Variants in TFCP2L1 observed in about 807,000 individuals in gnomAD.
TFCP2L1 encodes the protein transcription factor CP2 like 1.
A neutral mutation model predicts 72.2 loss-of-function variants in TFCP2L1; 12 were observed. The ratio of observed to expected loss-of-function variants is 0.17; its 90% CI spans 0.11 to 0.27. The LOEUF (loss-of-function observed/expected upper bound fraction) is 0.27, where lower values mean the gene tolerates loss of function less well. Among genes scored for constraint, TFCP2L1 ranks in the 10% least tolerant of loss-of-function variants. The probability of loss-of-function intolerance (pLI) is 1.00; values close to 1 mark genes in which losing one functional copy is unlikely to be tolerated. For missense variants in TFCP2L1, 488 were observed against 624.6 expected (o/e 0.78, Z 2.33); for synonymous variants, 260 against 251.0 (o/e 1.04, Z -0.34).
intron 2 of TFCP2L1, among the ~76,000 whole-genome samples, chr2:121,255,369 G>C (rs56664083): frequency 7.2e-5 from 11 of 152,220 alleles, no homozygotes; most frequent in African/African-American, 2.6e-4. Context: ...GTAAAATGTG[G>C]GGGGGAGGGG....
chr2:121,280,067 C>T (rs145196388), intron 2 of TFCP2L1, among the ~76,000 whole-genome samples: 171 of 152,258 alleles, frequency 1.1e-3, no homozygotes, highest in African/African-American at 4.0e-3. Flanking sequence ...CACTTGCCCA[C>T]GTGTTCTGGA....
rs781154693 is a variant in TFCP2L1, at chr2:121,221,236, C to T, written c.*3105G>A. The T allele has an allele frequency of 7.9e-5, 12 of 152,172 alleles. No individual in the cohort carries two copies. Among genetic ancestry groups the T allele is most frequent in the Non-Finnish European group, 1.5e-4 (10 of 68,048 alleles). 9.4% of individuals were successfully genotyped at this position (152,172 alleles called of 1,614,324 possible). The stretch of plus-strand genomic sequence containing the variant: ...CATAACAGGAAATCATTGGTCTCAA[C>T]CTTCCTCCAAGGACTAGTGTGTGGA... On this transcript the variant is annotated 3_prime_UTR_variant, in exon 15 of 15. Coordinates refer to ENST00000263707, the MANE Select transcript of TFCP2L1 (RefSeq NM_014553.3).
chr2:121,224,191 G>T lies in TFCP2L1; in HGVS notation c.*150C>A. The T allele has an allele frequency of 2.5e-6, 2 of 789,974 alleles. No individual in the cohort carries two copies. The highest frequency in any genetic ancestry group is 4.1e-6 in the Non-Finnish European group (2 of 485,516). 48.9% of individuals were successfully genotyped at this position (789,974 alleles called of 1,614,324 possible). On this transcript the variant is annotated 3_prime_UTR_variant, in exon 15 of 15. Coordinates refer to ENST00000263707, the MANE Select transcript of TFCP2L1 (RefSeq NM_014553.3). The stretch of plus-strand genomic sequence containing the variant: ...TACTTGGTGTCCACAGGCTTCTGCT[G>T]GTTGGTGCTCTGTAGCTTTCACAGA...
rs539101704 is a variant in TFCP2L1, at chr2:121,282,319, T to TAA, written c.63-1050_63-1049dup. On this transcript the variant is annotated intron_variant, in intron 1 of 14. Transcript: ENST00000263707. ...CACCTCTTAACAAAACTCTCCACAT[T>TAA]AAAAAAAAAAAAAAAAAAAAAAAAA... 9.4e-4 allele frequency among the ~76,000 whole-genome samples: 81 copies of TAA among 86,292 alleles called. 1 individual carries two copies. The highest frequency in any genetic ancestry group is 1.9e-3 in the African/African-American group (43 of 22,392). The allele number at this position is 86,292 out of a possible 152,430, so 56.6% of individuals were successfully genotyped here.
chr2:121,264,815 C>G (rs1686897856), intron 2 of TFCP2L1, among the ~76,000 whole-genome samples: 1 of 152,210 alleles, frequency 6.6e-6, no homozygotes, highest in Non-Finnish European at 1.5e-5. Context: ...ATCATAAAGA[C>G]AGACACTAAA....
chr2:121,280,589 C>A (rs555305804), intron 2 of TFCP2L1, among the ~76,000 whole-genome samples: 1 of 152,062 alleles, frequency 6.6e-6, no homozygotes, highest in South Asian at 2.1e-4. Context: ...GAGACCCCCC[C>A]AGCTCTACAA....
At chr2:121,243,412 T>C (rs1037249359) in intron 6 of TFCP2L1, among the ~76,000 whole-genome samples, 8 of 152,194 alleles carry the variant, frequency 5.3e-5, no homozygotes, top group African/African-American at 1.9e-4. Flanking sequence ...CTTACAGCAG[T>C]GGTCCTCAAC....
At chr2:121,250,686 A>G (rs957647879) in intron 2 of TFCP2L1, among the ~76,000 whole-genome samples, 1 of 150,050 alleles carries the variant, frequency 6.7e-6, no homozygotes, top group Non-Finnish European at 1.5e-5. Context: ...GGCTCACTGC[A>G]ACCTCCGCCT....
At chr2:121,268,729 A>T (rs72828962) in intron 2 of TFCP2L1, among the ~76,000 whole-genome samples, 6,377 of 151,122 alleles carry the variant, frequency 0.042, 155 homozygotes, top group South Asian at 0.066. Flanking sequence ...TCAATGTGCC[A>T]CTCAGTTGTT....
At chr2:121,237,445 C>A (rs1686273330) in intron 10 of TFCP2L1, among the ~76,000 whole-genome samples, 178 bp downstream of exon 10, 1 of 152,192 alleles carries the variant, frequency 6.6e-6, no homozygotes, top group African/African-American at 2.4e-5. Flanking sequence ...GGCAGCATCA[C>A]CTATGTCCAG....
At chr2:121,279,796 C>T (rs1283527271) in intron 2 of TFCP2L1, among the ~76,000 whole-genome samples, 4 of 152,210 alleles carry the variant, frequency 2.6e-5, no homozygotes, top group Non-Finnish European at 5.9e-5. Context: ...TTCCTCTGCC[C>T]GTCTGCTCTG....
At chr2:121,242,644 C>T (rs1573369706) in intron 6 of TFCP2L1, among the ~76,000 whole-genome samples, 175 bp from the exon 7 acceptor site, 1 of 152,102 alleles carries the variant, frequency 6.6e-6, no homozygotes, top group African/African-American at 2.4e-5. Context: ...CTGAGGAACT[C>T]GGAACCTGCC....
At chr2:121,278,361 TGA>T (rs897608878) in intron 2 of TFCP2L1, among the ~76,000 whole-genome samples, 2 of 149,832 alleles carry the variant, frequency 1.3e-5, no homozygotes, top group Admixed American at 1.3e-4. Context: ...AACTGATCTA[TGA>T]GAGGATCAAC....
At chr2:121,246,753 T>A (rs1479320840) in intron 6 of TFCP2L1, 65 bp downstream of exon 6, 1 of 1,598,792 alleles carries the variant, frequency 6.3e-7, no homozygotes, top group Non-Finnish European at 8.5e-7. Flanking sequence ...AGGGTCTCTG[T>A]GGGCGAATGT....
rs11900942 is a variant in TFCP2L1 at position 121,224,071 on chromosome 2, C to T, written c.*270G>A. The T allele has an allele frequency of 1.6e-4, 84 of 523,726 alleles. 1 individual carries two copies. The highest frequency in any genetic ancestry group is 1.4e-3 in the African/African-American group (74 of 52,404). 32.4% of individuals were successfully genotyped at this position (523,726 alleles called of 1,614,324 possible). A position where few individuals can be genotyped will look rare whatever the true frequency, so the allele number is the denominator to read the frequency against. On this transcript the variant is annotated 3_prime_UTR_variant, in exon 15 of 15. Transcript: ENST00000263707. ...GTCTCCACTGTTTGCCCTTTTAGAA[C>T]GTCAGGGTTGGACCAATAGAAAAGA...
At position 121,237,799 on chromosome 2, in the gene TFCP2L1, T is replaced by G; in HGVS notation, c.909+3A>C. ...AGCCAGAAAGCCCTGCTCAGACACT[T>G]ACGTCACTGCCCACGGGCAGGGCCT... On this transcript the variant is annotated splice_donor_region_variant and intron_variant, in intron 9 of 14. Transcript: ENST00000263707. 6.2e-7 allele frequency: 1 copy of G among 1,613,878 alleles called. No homozygotes were observed. The highest frequency in any genetic ancestry group is 8.5e-7 in the Non-Finnish European group (1 of 1,179,906).
chr2:121,284,419 T>G (rs1042324823), intron 1 of TFCP2L1, among the ~76,000 whole-genome samples: 1 of 152,202 alleles, frequency 6.6e-6, no homozygotes, highest in African/African-American at 2.4e-5. Context: ...ACGCAGGACT[T>G]ACTTTCCCCT....
chr2:121,253,531 C>T (rs1686652721), intron 2 of TFCP2L1, among the ~76,000 whole-genome samples: 2 of 152,310 alleles, frequency 1.3e-5, no homozygotes, highest in Middle Eastern at 3.4e-3. Context: ...GACAGCGGCC[C>T]TAGCATGAGG....
rs71829928 is a variant in TFCP2L1, at chr2:121,250,346, T to TTATATA, written c.215-705_215-700dup. On this transcript the variant is annotated intron_variant, in intron 2 of 14. Coordinates refer to ENST00000263707, the MANE Select transcript of TFCP2L1 (RefSeq NM_014553.3). The stretch of plus-strand genomic sequence containing the variant: ...GATACACCATGTTCCCAGAAGACTG[T>TTATATA]TATATATATATATATATACACACAC... Among the ~76,000 whole-genome samples, 211 of 142,078 alleles carry TTATATA rather than the reference T, an allele frequency of 1.5e-3. 1 individual carries two copies. The highest frequency in any genetic ancestry group is 4.3e-3 in the African/African-American group (161 of 37,546). 93.2% of individuals were successfully genotyped at this position (142,078 alleles called of 152,430 possible).
Sources: allele counts gnomAD v4.1 joint callset (sites outside exome capture counted in the v4.1 genomes callset), GRCh38; gene constraint gnomAD v4.1.1; transcripts MANE v1.5; gene names NCBI Gene and HGNC (gene_info 2026-07-23, HGNC 2026-07-21).